Variants in ZNF148 observed in about 807,000 individuals in gnomAD.
The protein encoded by ZNF148 is zinc finger protein 148, also known as Beta-Enolase Repressor Factor-1.
A neutral mutation model predicts 67.7 loss-of-function variants in ZNF148; 7 were observed. The observed-to-expected ratio is 0.10, with a 90% confidence interval of 0.06 to 0.19. The LOEUF is 0.19. Among genes scored for constraint, ZNF148 ranks in the 10% least tolerant of loss-of-function variants. The pLI, the probability that ZNF148 is intolerant of heterozygous loss-of-function variation, is 1.00. For missense variants in ZNF148, 583 were observed against 947.1 expected (o/e 0.62, Z 5.05); for synonymous variants, 333 against 330.7 (o/e 1.01, Z -0.08).
chr3:125,281,343 AAC>A (rs1158986697), intron 5 of ZNF148, among the ~76,000 whole-genome samples: 4 of 152,246 alleles, frequency 2.6e-5, no homozygotes, highest in Admixed American at 6.5e-5. Flanking sequence ...GCAAAAGGAA[AAC>A]ACACAAAATC....
chr3:125,234,431 A>C lies in ZNF148; in HGVS notation c.668-102T>G, dbSNP rs547656948. On this transcript the variant is annotated intron_variant, in intron 7 of 8. Transcript: ENST00000360647. ...AAATAAATGGCTTTTGAAAGTTGTAACTTCCAATTTCATTTGTCAAATATA... is the reference window on the plus strand; with the variant it reads ...AAATAAATGGCTTTTGAAAGTTGTACCTTCCAATTTCATTTGTCAAATATA... 2.5e-5 allele frequency: 20 copies of C among 788,008 alleles called. No homozygotes were observed. The African/African-American group carries it at 3.3e-4, about 13-fold the overall frequency. The allele number at this position is 788,008 out of a possible 1,614,324, so 48.8% of individuals were successfully genotyped here.
At chr3:125,332,944 T>C (rs1046239464) in intron 1 of ZNF148, among the ~76,000 whole-genome samples, 1 of 152,196 alleles carries the variant, frequency 6.6e-6, no homozygotes, top group African/African-American at 2.4e-5. Flanking sequence ...ACTTTTAGAA[T>C]TGCTAATTAC....
intron 7 of ZNF148, among the ~76,000 whole-genome samples, chr3:125,252,750 G>A (rs1202634317): frequency 7.4e-6 from 1 of 135,432 alleles, no homozygotes; most frequent in Admixed American, 7.8e-5. Context: ...CCTGGCGACA[G>A]AGCAAGACTC....
intron 7 of ZNF148, among the ~76,000 whole-genome samples, chr3:125,272,041 C>T (rs901568338): frequency 2.6e-5 from 4 of 152,198 alleles, no homozygotes; most frequent in African/African-American, 7.2e-5. Flanking sequence ...TGGCTTCCAT[C>T]ATACCTTTGC....
intron 7 of ZNF148, among the ~76,000 whole-genome samples, chr3:125,258,946 A>C (rs1480678062): frequency 1.3e-5 from 2 of 152,180 alleles, no homozygotes; most frequent in Non-Finnish European, 2.9e-5. Context: ...AAATATGTTA[A>C]TGTAAACTCA....
At chr3:125,305,061 C>A (rs1416962883) in intron 4 of ZNF148, among the ~76,000 whole-genome samples, 1 of 152,108 alleles carries the variant, frequency 6.6e-6, no homozygotes, top group Non-Finnish European at 1.5e-5. Context: ...TTTAACCCAG[C>A]AAATTTTTAA....
At chr3:125,303,529 C>G (rs556082027) in intron 4 of ZNF148, among the ~76,000 whole-genome samples, 1 of 152,186 alleles carries the variant, frequency 6.6e-6, no homozygotes, top group Admixed American at 6.5e-5. Flanking sequence ...AGCTCAAACC[C>G]TATTGTGAAC....
chr3:125,333,291 A>C (rs1941362038), intron 1 of ZNF148, among the ~76,000 whole-genome samples: 1 of 152,220 alleles, frequency 6.6e-6, no homozygotes, highest in Admixed American at 6.5e-5. Context: ...ATAGTGAAGC[A>C]AGAAGGAAAA....
At chr3:125,265,438 G>A (rs544692522) in intron 7 of ZNF148, among the ~76,000 whole-genome samples, 5 of 152,246 alleles carry the variant, frequency 3.3e-5, no homozygotes, top group South Asian at 2.1e-4. Context: ...GATTTGTCAC[G>A]GAATCCTAAC....
chr3:125,261,443 G>A (rs1006291492), intron 7 of ZNF148, among the ~76,000 whole-genome samples: 3 of 152,144 alleles, frequency 2.0e-5, no homozygotes, highest in African/African-American at 4.8e-5. Context: ...TTTAGCCAAC[G>A]TAAGTACTAT....
intron 3 of ZNF148, among the ~76,000 whole-genome samples, chr3:125,322,027 C>CTTTTTTTT (rs35879999): frequency 6.0e-5 from 5 of 82,928 alleles, no homozygotes; most frequent in Non-Finnish European, 4.3e-5. Context: ...TAATCAACGG[C>CTTTTTTTT]TTTTTTTTTT....
chr3:125,274,068 A>G (rs1246159375), intron 7 of ZNF148, among the ~76,000 whole-genome samples: 1 of 152,228 alleles, frequency 6.6e-6, no homozygotes, highest in Non-Finnish European at 1.5e-5. Flanking sequence ...ACAACTATGG[A>G]TATATGCCAT....
intron 7 of ZNF148, among the ~76,000 whole-genome samples, chr3:125,237,516 A>G (rs929937808): frequency 6.6e-6 from 1 of 152,138 alleles, no homozygotes; most frequent in African/African-American, 2.4e-5. Flanking sequence ...TGGGAGGTGA[A>G]GGTTGTAGAG....
chr3:125,347,130 T>C (rs1380369835), intron 1 of ZNF148, among the ~76,000 whole-genome samples: 1 of 152,024 alleles, frequency 6.6e-6, no homozygotes. Flanking sequence ...GGTAATAAAT[T>C]TAACAAAACA....
At chr3:125,265,618 G>A (rs1448461665) in intron 7 of ZNF148, among the ~76,000 whole-genome samples, 2 of 152,106 alleles carry the variant, frequency 1.3e-5, no homozygotes, top group African/African-American at 4.8e-5. Flanking sequence ...CAAACTCCAC[G>A]TCCTCCCCCT....
chr3:125,304,601 G>A (rs892232559), intron 4 of ZNF148, among the ~76,000 whole-genome samples: 7 of 152,252 alleles, frequency 4.6e-5, no homozygotes, highest in East Asian at 3.9e-4. Flanking sequence ...GTTTCTCACC[G>A]TCTAATGTAC....
At chr3:125,253,800 C>A (rs1313154846) in intron 7 of ZNF148, among the ~76,000 whole-genome samples, 1 of 152,100 alleles carries the variant, frequency 6.6e-6, no homozygotes, top group Non-Finnish European at 1.5e-5. Context: ...TTAAATACTG[C>A]TGGATCTGAC....
intron 7 of ZNF148, among the ~76,000 whole-genome samples, chr3:125,276,856 AAT>A (rs371259844): frequency 2.0e-5 from 3 of 152,224 alleles, no homozygotes; most frequent in Admixed American, 6.5e-5. Context: ...TCCTTTCACA[AAT>A]ACTGCAGGTC....
chr3:125,333,614 C>G lies in ZNF148; in HGVS notation c.-233-2376G>C, dbSNP rs532679091. Among the ~76,000 whole-genome samples the G allele has an allele frequency of 1.1e-3, 174 of 152,298 alleles. 4 individuals are homozygous for G. In the South Asian group the frequency reaches 0.033, roughly 29 times the overall value. Reference sequence around the variant, plus strand: ...ACAGATAGAAAATTACTTGGACAACCACCCAAGTCAGTTCAGATCTTCCTC... The same window carrying G: ...ACAGATAGAAAATTACTTGGACAACGACCCAAGTCAGTTCAGATCTTCCTC... On this transcript the variant is annotated intron_variant, in intron 1 of 8. Transcript: ENST00000360647.
Sources: allele counts gnomAD v4.1 joint callset (sites outside exome capture counted in the v4.1 genomes callset), GRCh38; gene constraint gnomAD v4.1.1; transcripts MANE v1.5; gene names NCBI Gene and HGNC (gene_info 2026-07-23, HGNC 2026-07-21).